Variants in RAB43 observed in about 807,000 individuals in gnomAD.
RAB43 encodes ras-related protein Rab-43.
Under a neutral mutation model 18.8 loss-of-function variants are expected in RAB43, and 6 were observed. The ratio of observed to expected loss-of-function variants is 0.32; its 90% CI spans 0.17 to 0.63. The LOEUF (loss-of-function observed/expected upper bound fraction) is 0.63. RAB43 is among the 30% of genes least tolerant of loss of function. The pLI is 0.79. For synonymous variants in RAB43, 103 were observed against 124.1 expected (o/e 0.83, Z 1.13); for missense variants, 195 against 289.1 (o/e 0.67, Z 2.36).
Position 129,121,643 on chromosome 3 carries a change from T to C in RAB43, c.-154A>G. 1.9e-6 allele frequency: 1 copy of C among 528,992 alleles called. No homozygotes were observed. The highest frequency in any genetic ancestry group is 3.1e-6 in the Non-Finnish European group (1 of 326,358). The allele number at this position is 528,992 out of a possible 1,614,324, so 32.8% of individuals were successfully genotyped here. ...TGAACCCCCAGCACTGCCGACCGCC[T>C]GCCTCGGCCTCGGCCCCGCCCCACC... On this transcript the variant is annotated 5_prime_UTR_variant, in exon 1 of 3. Coordinates refer to ENST00000315150, the MANE Select transcript of RAB43 (RefSeq NM_198490.3).
In RAB43 at chr3:129,095,152, C is replaced by A. The variant is rs369991706; in HGVS notation, c.222G>T (p.Thr74=). The A allele has an allele frequency of 1.9e-5, 31 of 1,613,000 alleles. No homozygotes were observed. The highest frequency in any genetic ancestry group is 2.5e-5 in the Non-Finnish European group (30 of 1,179,518). Residue 74 remains threonine, a synonymous_variant, in exon 2 of 3, where the codon ACG becomes ACT. Transcript: ENST00000315150. The surrounding 1 kb of genome is among the most constrained non-coding windows in gnomAD (Gnocchi z 4.2). The part of the protein sequence containing the change: ...GKRVKLQIWD[T]AGQERFRTIT... ...TGGTGCGGAACCGCTCCTGGCCGGC[C>A]GTGTCCCAGATCTGCAGCTAAAGAA...
intron 2 of RAB43, among the ~76,000 whole-genome samples, chr3:129,094,088 T>A (rs916653218): frequency 6.6e-6 from 1 of 152,200 alleles, no homozygotes; most frequent in Non-Finnish European, 1.5e-5. Context: ...AGTGGGATCC[T>A]TGGACCAGCA....
At chr3:129,106,727 T>C (rs767004887) in intron 1 of RAB43, among the ~76,000 whole-genome samples, 4 of 151,990 alleles carry the variant, frequency 2.6e-5, no homozygotes, top group Non-Finnish European at 4.4e-5. Context: ...TCCTCTGCAA[T>C]AGGGGAGTAG....
intron 1 of RAB43, among the ~76,000 whole-genome samples, chr3:129,103,331 C>T (rs1267870693): frequency 6.6e-6 from 1 of 152,228 alleles, no homozygotes. Context: ...ACCTCCAATT[C>T]ACCCAGTCCA....
upstream of RAB43, chr3:129,121,818 GC>G (rs1935959753): frequency 4.6e-5 from 3 of 65,056 alleles, no homozygotes; most frequent in East Asian, 1.2e-3. Flanking sequence ...CTGTAGGCCC[GC>G]CCCAGCCCGC....
chr3:129,091,964 G>A (rs536991353), intron 2 of RAB43, among the ~76,000 whole-genome samples: 12 of 151,694 alleles, frequency 7.9e-5, no homozygotes, highest in African/African-American at 2.4e-4. Flanking sequence ...CCAGCTACTC[G>A]GGTGCCTGAG....
At chr3:129,113,700 C>A (rs980855823) in intron 1 of RAB43, among the ~76,000 whole-genome samples, 2 of 152,200 alleles carry the variant, frequency 1.3e-5, no homozygotes, top group Non-Finnish European at 2.9e-5. Context: ...TAATGGCAAA[C>A]GGTCCTTATT....
Position 129,091,077 on chromosome 3 carries a change from C to G in RAB43, c.*19G>C. 6 of 1,608,462 alleles carry G rather than the reference C, an allele frequency of 3.7e-6. No individual in the cohort carries two copies. Among genetic ancestry groups the G allele is most frequent in the Non-Finnish European group, 5.1e-6 (6 of 1,178,790 alleles). Reference sequence around the variant, plus strand: ...AGCAAGGAGGTGGGGAACCCCCAGTCTGCCGGCCCGGCCCCTGGTCAGCAC... The same window carrying G: ...AGCAAGGAGGTGGGGAACCCCCAGTGTGCCGGCCCGGCCCCTGGTCAGCAC... On this transcript the variant is annotated 3_prime_UTR_variant, in exon 3 of 3. Transcript: ENST00000315150.
intron 2 of RAB43, among the ~76,000 whole-genome samples, chr3:129,094,082 G>A (rs1232934058): frequency 6.6e-6 from 1 of 152,182 alleles, no homozygotes; most frequent in Non-Finnish European, 1.5e-5. Flanking sequence ...TCTCAAAGTG[G>A]GATCCTTGGA....
intron 1 of RAB43, among the ~76,000 whole-genome samples, chr3:129,111,680 A>G (rs1194855335): frequency 6.6e-6 from 1 of 152,158 alleles, no homozygotes; most frequent in East Asian, 1.9e-4. Context: ...CAGAGTTTAC[A>G]CTGAAGTATT....
chr3:129,090,997 T>A lies in RAB43; in HGVS notation c.*99A>T. ...CCAGAGCTTCACCCGGCTGCTGTAG[T>A]TGCCGGTACCCAGGAGGGCTGGCTC... is the stretch of plus-strand genomic sequence containing the variant. On this transcript the variant is annotated 3_prime_UTR_variant, in exon 3 of 3. Coordinates refer to ENST00000315150, the MANE Select transcript of RAB43 (RefSeq NM_198490.3). 2 of 723,024 alleles carry A rather than the reference T, an allele frequency of 2.8e-6. No individual in the cohort carries two copies. The highest frequency in any genetic ancestry group is 3.8e-5 in the South Asian group (2 of 53,232). The allele number at this position is 723,024 out of a possible 1,614,324, so 44.8% of individuals were successfully genotyped here. A position where few individuals can be genotyped will look rare whatever the true frequency, so the allele number is the denominator to read the frequency against.
chr3:129,113,984 G>A (rs1288738509), intron 1 of RAB43, among the ~76,000 whole-genome samples: 1 of 151,956 alleles, frequency 6.6e-6, no homozygotes, highest in East Asian at 1.9e-4. Flanking sequence ...CCGGGATCAC[G>A]CCTCGCGCCA....
In RAB43 at chr3:129,095,584, G is replaced by C. The variant is rs925732385; in HGVS notation, c.205-415C>G. On this transcript the variant is annotated intron_variant, in intron 1 of 2. Coordinates refer to ENST00000315150, the MANE Select transcript of RAB43 (RefSeq NM_198490.3). The surrounding 1 kb of genome is among the most constrained non-coding windows in gnomAD (Gnocchi z 4.2). ...CACGGCCAGGTACCCTCCCCTACAA[G>C]AGCATCACGTACCCAGCTGTGTGTG... 3.3e-5 allele frequency among the ~76,000 whole-genome samples: 5 copies of C among 152,202 alleles called. No individual in the cohort carries two copies. Among genetic ancestry groups the C allele is most frequent in the Admixed American group, 1.3e-4 (2 of 15,286 alleles).
At chr3:129,116,448 C>T (rs1935532958) in intron 1 of RAB43, among the ~76,000 whole-genome samples, 1 of 152,212 alleles carries the variant, frequency 6.6e-6, no homozygotes, top group African/African-American at 2.4e-5. Context: ...CTAATGAAAA[C>T]TGAAAAAGTC....
rs754043829 is a variant in RAB43, at chr3:129,107,383, G to T, written c.205-12214C>A. On this transcript the variant is annotated intron_variant, in intron 1 of 2. Transcript: ENST00000315150. The surrounding 1 kb of genome is among the most constrained non-coding windows in gnomAD (Gnocchi z 4.2). ...CCCTGGCCTCTGGCCAACAAGTCCT[G>T]CCTCATCTGCTTGCCAAGTGCCACC... is the stretch of plus-strand genomic sequence containing the variant. Among the ~76,000 whole-genome samples the T allele has an allele frequency of 6.6e-6, 1 of 152,042 alleles. No homozygotes were observed. Among genetic ancestry groups the T allele is most frequent in the African/African-American group, 2.4e-5 (1 of 41,400 alleles).
intron 2 of RAB43, among the ~76,000 whole-genome samples, chr3:129,093,814 G>A (rs1306342304): frequency 4.6e-5 from 7 of 151,912 alleles, no homozygotes; most frequent in African/African-American, 1.7e-4. Context: ...CCAGCTACTC[G>A]GGAGGCTGAA....
At chr3:129,094,813 G>A (rs566817950) in intron 2 of RAB43, among the ~76,000 whole-genome samples, 173 bp downstream of exon 2, 6 of 152,082 alleles carry the variant, frequency 3.9e-5, no homozygotes, top group African/African-American at 1.2e-4. Context: ...CACCGTGCCC[G>A]GCCTTGAATG....
At chr3:129,114,153 A>G (rs1326872570) in intron 1 of RAB43, among the ~76,000 whole-genome samples, 1 of 152,216 alleles carries the variant, frequency 6.6e-6, no homozygotes, top group African/African-American at 2.4e-5. Flanking sequence ...TGTCATTCAC[A>G]CTGGCCATTC....
chr3:129,116,153 A>G (rs1195887821), intron 1 of RAB43, among the ~76,000 whole-genome samples: 1 of 152,240 alleles, frequency 6.6e-6, no homozygotes, highest in Non-Finnish European at 1.5e-5. Flanking sequence ...AAGACAAAAC[A>G]TAGTCTATAT....
Sources: allele counts gnomAD v4.1 joint callset (sites outside exome capture counted in the v4.1 genomes callset), GRCh38; gene constraint gnomAD v4.1.1; non-coding constraint Gnocchi (gnomAD v3.1); transcripts MANE v1.5; gene names NCBI Gene and HGNC (gene_info 2026-07-23, HGNC 2026-07-21).